Variants in PDE1B observed in about 807,000 individuals in gnomAD.
The protein encoded by PDE1B is phosphodiesterase 1B, also known as dual specificity calcium/calmodulin-dependent 3',5'-cyclic nucleotide phosphodiesterase 1B.
In PDE1B, 13 loss-of-function variants were observed where a neutral mutation model predicts 66.7. That is an observed-to-expected ratio of 0.19 (90% CI 0.13 to 0.31). The LOEUF is 0.31. Among genes scored for constraint, PDE1B ranks in the 10% least tolerant of loss-of-function variants. The pLI is 1.00. For synonymous variants in PDE1B, 230 were observed against 253.9 expected (o/e 0.91, Z 0.90); for missense variants, 485 against 682.3 (o/e 0.71, Z 3.22).
At position 54,575,709 on chromosome 12, in the gene PDE1B, C is replaced by T; in HGVS notation, c.1267+77C>T. On this transcript the variant is annotated intron_variant, in intron 12 of 15. Transcript: ENST00000243052. This position sits in a 1 kb window ranked among gnomAD's most constrained non-coding sequence, Gnocchi z 4.0. ...TGCCTGGGTCAGGATTGCTCCAAGT[C>T]CTCAATCCCCCCAAACCATTCTTCC... 9.7e-7 allele frequency: 1 copy of T among 1,029,656 alleles called. No individual in the cohort carries two copies. Among genetic ancestry groups the T allele is most frequent in the Non-Finnish European group, 1.5e-6 (1 of 658,144 alleles). The allele number at this position is 1,029,656 out of a possible 1,614,324, so 63.8% of individuals were successfully genotyped here. A position where few individuals can be genotyped will look rare whatever the true frequency, so the allele number is the denominator to read the frequency against.
intron 2 of PDE1B, among the ~76,000 whole-genome samples, chr12:54,553,288 C>T (rs1269289093): frequency 5.9e-5 from 9 of 152,270 alleles, no homozygotes; most frequent in African/African-American, 1.9e-4. Flanking sequence ...ATGGTACAAA[C>T]ACCACTCTCT....
At chr12:54,556,323 C>T (rs907185170) in intron 2 of PDE1B, among the ~76,000 whole-genome samples, 12 of 152,066 alleles carry the variant, frequency 7.9e-5, no homozygotes, top group African/African-American at 2.7e-4. Flanking sequence ...ACCATTCCTC[C>T]GTTCCTTTGG....
intron 2 of PDE1B, among the ~76,000 whole-genome samples, chr12:54,553,722 A>T (rs1382833993): frequency 6.6e-6 from 1 of 151,708 alleles, no homozygotes; most frequent in African/African-American, 2.4e-5. Context: ...GAGGAAAGGG[A>T]GATGATGATG....
At position 54,575,151 on chromosome 12, in the gene PDE1B, A is replaced by C; in HGVS notation, c.1118A>C (p.His373Pro). 1 of 1,612,902 alleles carries C rather than the reference A, an allele frequency of 6.2e-7. No homozygotes were observed. Among genetic ancestry groups the C allele is most frequent in the Non-Finnish European group, 8.5e-7 (1 of 1,178,938 alleles). ...CTGCTCCATGCTGCTGACATCAGCCACCCAACCAAGCAGTGGTTGGTCCAC... is the reference window on the plus strand; with the variant it reads ...CTGCTCCATGCTGCTGACATCAGCCCCCCAACCAAGCAGTGGTTGGTCCAC... The part of the protein sequence containing the change: ...SLLLHAADIS[H>P]PTKQWLVHSR... Residue 373 changes from histidine to proline, a missense_variant, in exon 11 of 16, where the codon CAC (histidine) becomes CCC (proline). By Grantham distance (77) the His-to-Pro change is moderately conservative (BLOSUM62 -2). Transcript: ENST00000243052. The surrounding 1 kb of genome is among the most constrained non-coding windows in gnomAD (Gnocchi z 4.0).
chr12:54,552,142 C>A (rs1957286610), intron 2 of PDE1B, among the ~76,000 whole-genome samples: 1 of 152,038 alleles, frequency 6.6e-6, no homozygotes, highest in Non-Finnish European at 1.5e-5. Flanking sequence ...CTGGATTTTG[C>A]CTTTTTGAAT....
At chr12:54,566,630 C>T (rs1284307197) in intron 2 of PDE1B, among the ~76,000 whole-genome samples, 1 of 152,210 alleles carries the variant, frequency 6.6e-6, no homozygotes, top group Non-Finnish European at 1.5e-5. Flanking sequence ...CTAAAAACAT[C>T]ACTCCAGGGG....
At chr12:54,557,389 C>T (rs1339804862) in intron 2 of PDE1B, among the ~76,000 whole-genome samples, 1 of 152,178 alleles carries the variant, frequency 6.6e-6, no homozygotes, top group Admixed American at 6.5e-5. Context: ...AAAATCTACC[C>T]TTCTCCTCTA....
At chr12:54,567,433 G>A (rs1957534666) in intron 3 of PDE1B, among the ~76,000 whole-genome samples, 2 of 152,032 alleles carry the variant, frequency 1.3e-5, no homozygotes, top group South Asian at 2.1e-4. Context: ...AGCCCAGGAG[G>A]CAGAGGTTGC....
chr12:54,551,187 T>C (rs922097022), intron 2 of PDE1B, among the ~76,000 whole-genome samples: 3 of 152,230 alleles, frequency 2.0e-5, no homozygotes, highest in Admixed American at 6.5e-5. Context: ...TAGATGCTTA[T>C]GTTGTATTGT....
intron 2 of PDE1B, 158 bp downstream of exon 2, chr12:54,550,143 CCACATGTGCA>C (rs1957254686): frequency 1.4e-6 from 2 of 1,439,272 alleles, no homozygotes; most frequent in East Asian, 5.0e-5. Context: ...CGTGGCCAGG[CCACATGTGCA>C]AGGCATGTGC....
At chr12:54,550,332 A>ATGTGCAGAGT (rs1313325374) in intron 2 of PDE1B, 1 of 854,472 alleles carries the variant, frequency 1.2e-6, no homozygotes, top group African/African-American at 1.7e-5. Flanking sequence ...ACACATATCC[A>ATGTGCAGAGT]TGTGCAGAGT....
intron 2 of PDE1B, among the ~76,000 whole-genome samples, chr12:54,564,700 A>G (rs996228672): frequency 1.3e-5 from 2 of 152,186 alleles, no homozygotes; most frequent in African/African-American, 4.8e-5. Flanking sequence ...AGAAATACTG[A>G]TTCAGCAGCT....
chr12:54,577,638 T>C, intron 15 of PDE1B: 1 of 1,360,936 alleles, frequency 7.3e-7, no homozygotes, highest in Non-Finnish European at 9.7e-7. Context: ...TTAGGGAGGG[T>C]TAGGGAAAAG....
At chr12:54,558,690 G>C (rs190303572) in intron 2 of PDE1B, among the ~76,000 whole-genome samples, 1 of 152,178 alleles carries the variant, frequency 6.6e-6, no homozygotes, top group East Asian at 1.9e-4. Flanking sequence ...AGCCCTAAAC[G>C]TCCAGAGTGG....
In PDE1B at chr12:54,575,181, G is replaced by A. The variant is rs1016670941; in HGVS notation, c.1148G>A (p.Arg383His). 8 of 1,611,756 alleles carry A rather than the reference G, an allele frequency of 5.0e-6. No individual in the cohort carries two copies. Among genetic ancestry groups the A allele is most frequent in the African/African-American group, 2.7e-5 (2 of 74,926 alleles). ...HPTKQWLVHS[R>H]WTKALMEEFF... Reference sequence around the variant, plus strand: ...ACCAAGCAGTGGTTGGTCCACAGCCGTTGGACCAAGGCCCTCATGGAGGAA... The same window carrying A: ...ACCAAGCAGTGGTTGGTCCACAGCCATTGGACCAAGGCCCTCATGGAGGAA... The change falls in exon 11 of 16, where the codon CGT becomes CAT. Residue 383 changes from arginine (R) to histidine (H), a missense_variant. Arg to His is a conservative substitution (Grantham distance 29). Coordinates refer to ENST00000243052, the MANE Select transcript of PDE1B (RefSeq NM_000924.4). The surrounding 1 kb of genome is among the most constrained non-coding windows in gnomAD (Gnocchi z 4.0).
chr12:54,567,209 G>C, intron 3 of PDE1B, 122 bp downstream of exon 3: 1 of 548,234 alleles, frequency 1.8e-6, no homozygotes, highest in South Asian at 2.1e-5. Flanking sequence ...AGAGAGGGTG[G>C]ACCAGATATA....
Position 54,575,075 on chromosome 12 carries a change from C to T in PDE1B, c.1065-23C>T, listed in dbSNP as rs1296418582. On this transcript the variant is annotated intron_variant, in intron 10 of 15. Transcript: ENST00000243052. The surrounding 1 kb of genome is among the most constrained non-coding windows in gnomAD (Gnocchi z 4.0). ...TTTTCCTAAAAGATCAGTCTCCCTT[C>T]CCTTGCCATCTGCCCCAACCAGGAT... The T allele has an allele frequency of 2.5e-6, 4 of 1,610,838 alleles. No homozygotes were observed. The African/African-American group carries it at 5.3e-5, about 22-fold the overall frequency.
intron 10 of PDE1B, chr12:54,574,551 C>G (rs559007016): frequency 6.6e-6 from 1 of 152,614 alleles, no homozygotes; most frequent in Non-Finnish European, 1.5e-5. Flanking sequence ...TAGGTATAGA[C>G]GTGAACCCAG....
At position 54,576,066 on chromosome 12, in the gene PDE1B, G is replaced by A. The variant is rs879632985; in HGVS notation, c.1342G>A (p.Ala448Thr). 15 of 1,613,476 alleles carry A rather than the reference G, an allele frequency of 9.3e-6. No homozygotes were observed. The highest frequency in any genetic ancestry group is 1.7e-5 in the Admixed American group (1 of 60,012). Residue 448 changes from alanine to threonine, a missense_variant, in exon 13 of 16, where the codon GCG (alanine) becomes ACG (threonine). Transcript: ENST00000243052. ...DVAEKSVQPLADEDSKSKNQP... is the reference protein window; with the variant it reads ...DVAEKSVQPLTDEDSKSKNQP... The stretch of plus-strand genomic sequence containing the variant: ...GGCAGAGAAGAGTGTTCAGCCCCTG[G>A]CGGATGAGGACTCCAAGTCTAAAAA...
Sources: allele counts gnomAD v4.1 joint callset (sites outside exome capture counted in the v4.1 genomes callset), GRCh38; gene constraint gnomAD v4.1.1; non-coding constraint Gnocchi (gnomAD v3.1); transcripts MANE v1.5; gene names NCBI Gene and HGNC (gene_info 2026-07-23, HGNC 2026-07-21).